The following DLC1 variants were observed in gnomAD, a reference collection of about 807,000 sequenced individuals.
DLC1 encodes the protein DLC1 Rho GTPase activating protein.
Under a neutral mutation model 140.3 loss-of-function variants are expected in DLC1, and 54 were observed. The ratio of observed to expected loss-of-function variants is 0.38; its 90% CI spans 0.31 to 0.48. DLC1 has a LOEUF of 0.48. Among genes scored for constraint, DLC1 ranks in the 20% least tolerant of loss-of-function variants. The pLI, the probability that DLC1 is intolerant of heterozygous loss-of-function variation, is 0.96. For missense variants in DLC1, 2,536 were observed against 1,907.0 expected (o/e 1.33, Z -6.14); for synonymous variants, 986 against 728.1 (o/e 1.35, Z -5.70).
At position 13,376,479 on chromosome 8, in the gene DLC1, C is replaced by G. The variant is rs139705544; in HGVS notation, c.1314+17074G>C. On this transcript the variant is annotated intron_variant, in intron 4 of 17. Transcript: ENST00000276297. ...GAGGTGTAGAACCCCCTCCTCTTCT[C>G]CCTGCCTGCAACCTACCCTTTCAAT... Among the ~76,000 whole-genome samples the G allele has an allele frequency of 8.2e-3, 1,248 of 152,252 alleles. 12 individuals carry two copies. Among genetic ancestry groups the G allele is most frequent in the Non-Finnish European group, 0.012 (799 of 68,028 alleles).
At chr8:13,257,213 T>C (rs549576500) in intron 5 of DLC1, among the ~76,000 whole-genome samples, 61 of 143,204 alleles carry the variant, frequency 4.3e-4, no homozygotes, top group African/African-American at 1.6e-3. Context: ...CATATGCTTA[T>C]CATAAAAAAA....
At chr8:13,198,318 T>G (rs1270656510) in intron 5 of DLC1, among the ~76,000 whole-genome samples, 1 of 152,136 alleles carries the variant, frequency 6.6e-6, no homozygotes, top group Non-Finnish European at 1.5e-5. Context: ...GTTCTTCCAT[T>G]TGTTTTGAAT....
At chr8:13,101,072 T>C (rs2128938210) in intron 8 of DLC1, among the ~76,000 whole-genome samples, 1 of 152,248 alleles carries the variant, frequency 6.6e-6, no homozygotes, top group Admixed American at 6.5e-5. Flanking sequence ...CATATTCTTT[T>C]TCTTTTTTAA....
At chr8:13,566,914 G>C in intron 1 of DLC1, 1 of 1,447,628 alleles carries the variant, frequency 6.9e-7, no homozygotes, top group Non-Finnish European at 9.1e-7. Flanking sequence ...CATTCCCGGA[G>C]GGGTCAGCTC....
chr8:13,233,298 A>T (rs1442554241), intron 5 of DLC1, among the ~76,000 whole-genome samples: 1,221 of 33,920 alleles, frequency 0.036, 72 homozygotes, highest in Middle Eastern at 0.065. Flanking sequence ...CTGTATAAAA[A>T]AAAAAAAAAA....
intron 9 of DLC1, 36 bp from the exon 10 acceptor site, chr8:13,098,611 C>T (rs999953549): frequency 3.2e-6 from 5 of 1,577,928 alleles, no homozygotes; most frequent in African/African-American, 2.8e-5. Flanking sequence ...GAGTGTGAAG[C>T]CTTTTTATTT....
intron 2 of DLC1, among the ~76,000 whole-genome samples, chr8:13,466,367 T>A (rs1167686582): frequency 6.6e-6 from 1 of 152,208 alleles, no homozygotes; most frequent in Non-Finnish European, 1.5e-5. Flanking sequence ...TTGTTTCATG[T>A]GTTTTGTTGA....
At chr8:13,498,409 A>G (rs955885812) in intron 2 of DLC1, among the ~76,000 whole-genome samples, 4 of 152,190 alleles carry the variant, frequency 2.6e-5, no homozygotes, top group Non-Finnish European at 4.4e-5. Context: ...GGGCTGTAGC[A>G]TAAAACATAA....
At chr8:13,351,968 A>G (rs1194006225) in intron 4 of DLC1, among the ~76,000 whole-genome samples, 1 of 152,246 alleles carries the variant, frequency 6.6e-6, no homozygotes, top group Non-Finnish European at 1.5e-5. Context: ...TGCTGACCTC[A>G]GGTGATCTGC....
At chr8:13,219,552 C>G (rs981004508) in intron 5 of DLC1, among the ~76,000 whole-genome samples, 17 of 151,122 alleles carry the variant, frequency 1.1e-4, no homozygotes, top group African/African-American at 3.4e-4. Context: ...ATTTATACAT[C>G]TAAATTCTGA....
At chr8:13,208,588 C>G (rs571793824) in intron 5 of DLC1, among the ~76,000 whole-genome samples, 1 of 152,008 alleles carries the variant, frequency 6.6e-6, no homozygotes, top group African/African-American at 2.4e-5. Flanking sequence ...GATATTTTAT[C>G]GAACTTCTGC....
intron 4 of DLC1, among the ~76,000 whole-genome samples, chr8:13,385,082 C>T (rs1836457820): frequency 6.6e-6 from 1 of 152,048 alleles, no homozygotes; most frequent in Admixed American, 6.6e-5. Context: ...CAGAGGACGG[C>T]AGTTTTGGGG....
chr8:13,598,938 G>A, intron 1 of DLC1, among the ~76,000 whole-genome samples: 1 of 151,618 alleles, frequency 6.6e-6, no homozygotes, highest in Non-Finnish European at 1.5e-5. Flanking sequence ...AATTGTATAT[G>A]TAATATACAA....
intron 1 of DLC1, among the ~76,000 whole-genome samples, chr8:13,576,705 T>C (rs999715777): frequency 1.3e-5 from 2 of 152,068 alleles, no homozygotes; most frequent in African/African-American, 4.8e-5. Context: ...CCTCAGTGAG[T>C]GTGTCAAATG....
chr8:13,218,991 TATATACGA>T lies in DLC1; in HGVS notation c.1348+86270_1348+86277del, dbSNP rs1437066374. ...TTATATACGTATATAACTATATAAT[TATATACGA>T]ATATAATTATATAATTATATACGTA... On this transcript the variant is annotated intron_variant, in intron 5 of 17. Coordinates refer to ENST00000276297, the MANE Select transcript of DLC1 (RefSeq NM_182643.3). Among the ~76,000 whole-genome samples the T allele has an allele frequency of 1.8e-4, 22 of 123,338 alleles. 1 individual carries two copies. The highest frequency in any genetic ancestry group is 2.5e-4 in the African/African-American group (8 of 31,660). 80.9% of individuals were successfully genotyped at this position (123,338 alleles called of 152,430 possible).
At chr8:13,201,877 A>G (rs1827398267) in intron 5 of DLC1, among the ~76,000 whole-genome samples, 1 of 150,952 alleles carries the variant, frequency 6.6e-6, no homozygotes, top group Non-Finnish European at 1.5e-5. Flanking sequence ...GGTTTGTCAT[A>G]CAGATTATTT....
chr8:13,395,135 TTTTG>T (rs1836975762), intron 3 of DLC1, among the ~76,000 whole-genome samples: 2 of 151,772 alleles, frequency 1.3e-5, no homozygotes, highest in African/African-American at 4.8e-5. Flanking sequence ...CTTTTTTTTT[TTTTG>T]GAATGGAGTC....
At position 13,540,492 on chromosome 8, in the gene DLC1, C is replaced by T. The variant is rs148340317; in HGVS notation, c.-125-40296G>A. Among the ~76,000 whole-genome samples the T allele has an allele frequency of 1.1e-4, 16 of 152,164 alleles. No individual in the cohort carries two copies. In the East Asian group the frequency reaches 2.9e-3, roughly 28 times the overall value. On this transcript the variant is annotated intron_variant, in intron 1 of 1. Transcript: ENST00000631382. ...AACGTCCGATATTAAACAGAAAACC[C>T]CCACTCAGAATTCCAGTTCATGAAC...
chr8:13,111,837 C>T (rs1395344181), intron 6 of DLC1, among the ~76,000 whole-genome samples: 14 of 152,084 alleles, frequency 9.2e-5, no homozygotes, highest in Admixed American at 7.9e-4. Flanking sequence ...AAACTAGAAT[C>T]ACCACAAGCT....
Sources: allele counts gnomAD v4.1 joint callset (sites outside exome capture counted in the v4.1 genomes callset), GRCh38; gene constraint gnomAD v4.1.1; transcripts MANE v1.5; gene names NCBI Gene and HGNC (gene_info 2026-07-23, HGNC 2026-07-21).